NEK5: variants seen among roughly 807,000 people sequenced by gnomAD.
The protein encoded by NEK5 is serine/threonine-protein kinase Nek5.
A neutral mutation model predicts 109.2 loss-of-function variants in NEK5; 88 were observed. That is an observed-to-expected ratio of 0.81 (90% CI 0.68 to 0.96). The LOEUF (loss-of-function observed/expected upper bound fraction) is 0.96, where lower values mean the gene tolerates loss of function less well. Ranked by LOEUF, NEK5 falls within the 40% of genes least tolerant of loss-of-function variation. The pLI, the probability that NEK5 is intolerant of heterozygous loss-of-function variation, is 0.00. For synonymous variants in NEK5, 283 were observed against 299.9 expected (o/e 0.94, Z 0.58); for missense variants, 834 against 920.7 (o/e 0.91, Z 1.22).
intron 22 of NEK5, among the ~76,000 whole-genome samples, chr13:52,060,411 A>G (rs940487209): frequency 2.6e-5 from 4 of 151,796 alleles, no homozygotes; most frequent in African/African-American, 7.3e-5. Flanking sequence ...CTGGAGTGCA[A>G]TGGCGCCATC....
chr13:52,120,276 T>G (rs1308721816), intron 3 of NEK5, among the ~76,000 whole-genome samples: 1 of 152,142 alleles, frequency 6.6e-6, no homozygotes, highest in Non-Finnish European at 1.5e-5. Flanking sequence ...CAATTTAAAT[T>G]GTATAGTCAG....
At chr13:52,044,655 C>T (rs1454033538) in intron 23 of NEK5, among the ~76,000 whole-genome samples, 1 of 152,152 alleles carries the variant, frequency 6.6e-6, no homozygotes, top group Non-Finnish European at 1.5e-5. Context: ...TGTTGTTTCT[C>T]TGTAGTCTAA....
At chr13:52,045,503 C>T (rs1174443521) in intron 23 of NEK5, among the ~76,000 whole-genome samples, 5 of 150,554 alleles carry the variant, frequency 3.3e-5, no homozygotes, top group Admixed American at 6.6e-5. Flanking sequence ...CGGTGGCGCA[C>T]GCCTGTAATC....
chr13:52,065,867 T>G (rs1362850272), intron 20 of NEK5, among the ~76,000 whole-genome samples: 1 of 152,262 alleles, frequency 6.6e-6, no homozygotes, highest in Non-Finnish European at 1.5e-5. Context: ...ATGGACTTCC[T>G]TGAGGCATCT....
chr13:52,123,680 A>T (rs954910559), intron 3 of NEK5, among the ~76,000 whole-genome samples: 1 of 152,186 alleles, frequency 6.6e-6, no homozygotes, highest in Non-Finnish European at 1.5e-5. Flanking sequence ...ATTACAGCTA[A>T]ATAAGGAGGA....
chr13:52,054,708 G>A (rs926348993), intron 22 of NEK5, among the ~76,000 whole-genome samples: 18 of 152,164 alleles, frequency 1.2e-4, no homozygotes, highest in Non-Finnish European at 2.2e-4. Flanking sequence ...TCACACGGCC[G>A]GGTACTCCAA....
chr13:52,103,751 T>G (rs1955590498), intron 9 of NEK5, among the ~76,000 whole-genome samples: 1 of 152,142 alleles, frequency 6.6e-6, no homozygotes, highest in Non-Finnish European at 1.5e-5. Flanking sequence ...ATGTGACCAG[T>G]CCCCAGTAAA....
chr13:52,127,202 C>A lies in NEK5; in HGVS notation c.117+164G>T, dbSNP rs551648382. ...TCCAGCCTCTTTTTAAAAATGAGAT[C>A]ATTGGTTGCTGTTTGGACAATGGAC... On this transcript the variant is annotated intron_variant, in intron 3 of 23. Transcript: ENST00000684899. Among the ~76,000 whole-genome samples, 3 of 152,198 alleles carry A rather than the reference C, an allele frequency of 2.0e-5. No individual in the cohort carries two copies. The South Asian group carries it at 6.2e-4, about 32-fold the overall frequency.
At chr13:52,070,375 A>G (rs1954764296) in intron 20 of NEK5, among the ~76,000 whole-genome samples, 2 of 152,232 alleles carry the variant, frequency 1.3e-5, no homozygotes, top group South Asian at 4.1e-4. Context: ...TAACTTTAGT[A>G]ACTGATATCG....
At position 52,122,640 on chromosome 13, in the gene NEK5, G is replaced by A. The variant is rs183519102; in HGVS notation, c.118-3225C>T. Among the ~76,000 whole-genome samples, 311 of 152,170 alleles carry A rather than the reference G, an allele frequency of 2.0e-3. 1 individual carries two copies. The highest frequency in any genetic ancestry group is 3.4e-3 in the Non-Finnish European group (228 of 68,004). On this transcript the variant is annotated intron_variant, in intron 3 of 23. Transcript: ENST00000684899. ...AAATTAGCCAGGCATGGTGGCATGC[G>A]CCTGTAGTCCCAGCTACTCAGGAGG...
intron 23 of NEK5, among the ~76,000 whole-genome samples, chr13:52,039,023 T>C (rs1010847035): frequency 5.9e-5 from 9 of 151,996 alleles, no homozygotes; most frequent in Admixed American, 5.2e-4. Context: ...ACAGGTGGAA[T>C]AACCAATAGG....
At chr13:52,094,451 T>A (rs1955360226) in intron 12 of NEK5, among the ~76,000 whole-genome samples, 1 of 152,272 alleles carries the variant, frequency 6.6e-6, no homozygotes, top group African/African-American at 2.4e-5. Context: ...TTTTTACTGC[T>A]ATATGGTTCA....
At position 52,093,190 on chromosome 13, in the gene NEK5, A is replaced by T. The variant is rs1365061449; in HGVS notation, c.1072T>A (p.Tyr358Asn). The change falls in exon 13 of 24, where the codon TAT (tyrosine) becomes AAT (asparagine). Residue 358 changes from tyrosine to asparagine, a missense_variant. Around this residue, in one of 2 missense-constraint regions of NEK5, gnomAD observed 777 missense variants for 824.7 expected, o/e 0.94. Transcript: ENST00000684899. ...RPKIAAVCGH[Y>N]DYYYAQLDML... Reference sequence around the variant, plus strand: ...TCAAGTTGAGCATAATAATAATCATAATGTCCACAGACAGCAGCAATTTTG... The same window carrying T: ...TCAAGTTGAGCATAATAATAATCATTATGTCCACAGACAGCAGCAATTTTG... The T allele has an allele frequency of 6.2e-7, 1 of 1,613,580 alleles. No individual in the cohort carries two copies. The highest frequency in any genetic ancestry group is 8.5e-7 in the Non-Finnish European group (1 of 1,179,654).
intron 19 of NEK5, among the ~76,000 whole-genome samples, chr13:52,072,921 A>G (rs1201803850): frequency 9.9e-5 from 15 of 152,208 alleles, no homozygotes; most frequent in Admixed American, 9.8e-4. Context: ...TAAAACCAGG[A>G]TAAAAAAAGA....
chr13:52,082,457 T>G (rs1955034348), intron 17 of NEK5: 1 of 531,656 alleles, frequency 1.9e-6, no homozygotes, highest in Non-Finnish European at 2.6e-6. Flanking sequence ...ATGTAATTAT[T>G]TTATGTAACC....
At chr13:52,058,156 C>A (rs1295010609) in intron 22 of NEK5, among the ~76,000 whole-genome samples, 26 of 134,180 alleles carry the variant, frequency 1.9e-4, no homozygotes, top group South Asian at 1.5e-3. Flanking sequence ...TATACACCAA[C>A]AACAGACAAA....
chr13:52,083,111 A>G (rs1406447259), intron 17 of NEK5, 149 bp downstream of exon 17: 2 of 563,368 alleles, frequency 3.6e-6, no homozygotes, highest in Admixed American at 2.9e-5. Flanking sequence ...GCACGACTGC[A>G]CTCCAACCTG....
At chr13:52,108,215 A>T in intron 8 of NEK5, 103 bp downstream of exon 8, 1 of 715,698 alleles carries the variant, frequency 1.4e-6, no homozygotes, top group Non-Finnish European at 2.4e-6. Context: ...CAAAAGTACC[A>T]TAAGAAAGAA....
chr13:52,063,419 G>A (rs1593926140), intron 21 of NEK5, among the ~76,000 whole-genome samples: 2 of 152,132 alleles, frequency 1.3e-5, no homozygotes, highest in South Asian at 2.1e-4. Context: ...ATCGCGGCTC[G>A]CTACAACCTC....
Sources: allele counts gnomAD v4.1 joint callset (sites outside exome capture counted in the v4.1 genomes callset), GRCh38; gene constraint gnomAD v4.1.1; regional missense constraint gnomAD v4.1.1; transcripts MANE v1.5; gene names NCBI Gene and HGNC (gene_info 2026-07-23, HGNC 2026-07-21).